ZEB1: variants seen among roughly 807,000 people sequenced by gnomAD.
ZEB1 encodes zinc finger E-box-binding homeobox 1.
In ZEB1, 21 loss-of-function variants were observed where a neutral mutation model predicts 84.9. That is an observed-to-expected ratio of 0.25 (90% CI 0.18 to 0.36). The LOEUF (loss-of-function observed/expected upper bound fraction) is 0.36. Among genes scored for constraint, ZEB1 ranks in the 10% least tolerant of loss-of-function variants. ZEB1 has a pLI of 1.00. For synonymous variants in ZEB1, 420 were observed against 471.1 expected (o/e 0.89, Z 1.41); for missense variants, 1,104 against 1,330.2 (o/e 0.83, Z 2.65).
intron 2 of ZEB1, among the ~76,000 whole-genome samples, chr10:31,474,476 G>C (rs2063770047): frequency 3.3e-5 from 5 of 152,144 alleles, no homozygotes; most frequent in Admixed American, 3.3e-4. Flanking sequence ...ATCATCACTG[G>C]CCATCAGAGA....
intron 4 of ZEB1, among the ~76,000 whole-genome samples, chr10:31,508,319 G>A (rs1211426485): frequency 1.3e-5 from 2 of 152,134 alleles, no homozygotes; most frequent in Non-Finnish European, 2.9e-5. Flanking sequence ...CTGGGCAGGT[G>A]GGCAGGTTCT....
intron 4 of ZEB1, among the ~76,000 whole-genome samples, chr10:31,506,431 A>G (rs2068993378): frequency 6.6e-6 from 1 of 152,046 alleles, no homozygotes; most frequent in East Asian, 1.9e-4. Context: ...TTTCCTTTAT[A>G]TAGCCAGGTA....
At chr10:31,466,278 C>T (rs1256237560) in intron 2 of ZEB1, among the ~76,000 whole-genome samples, 1 of 152,186 alleles carries the variant, frequency 6.6e-6, no homozygotes, top group Admixed American at 6.5e-5. Flanking sequence ...ACCTGATATA[C>T]AGAACATTCC....
At chr10:31,429,802 G>A (rs2057482372) in intron 1 of ZEB1, among the ~76,000 whole-genome samples, 1 of 133,996 alleles carries the variant, frequency 7.5e-6, no homozygotes. Flanking sequence ...GGAGTGCAAT[G>A]GCATAATCTC....
chr10:31,524,202 C>CA, intron 8 of ZEB1, 89 bp downstream of exon 8: 1 of 1,042,262 alleles, frequency 9.6e-7, no homozygotes, highest in Non-Finnish European at 1.3e-6. Flanking sequence ...AATTTTCTTT[C>CA]TTTTTTTTTT....
chr10:31,364,238 C>G (rs191105736), intron 1 of ZEB1, among the ~76,000 whole-genome samples: 127 of 152,260 alleles, frequency 8.3e-4, no homozygotes, highest in African/African-American at 2.8e-3. Flanking sequence ...CAAGAGGAGT[C>G]AAAGGGCAAA....
intron 4 of ZEB1, 150 bp downstream of exon 4, chr10:31,502,659 A>G (rs2068322580): frequency 2.3e-6 from 2 of 887,112 alleles, no homozygotes; most frequent in Non-Finnish European, 3.6e-6. Flanking sequence ...TGTTTTATTA[A>G]TGGAACACTA....
At chr10:31,499,940 G>A (rs2067874781) in intron 3 of ZEB1, among the ~76,000 whole-genome samples, 1 of 151,896 alleles carries the variant, frequency 6.6e-6, no homozygotes, top group African/African-American at 2.4e-5. Context: ...CAATGTATAG[G>A]AAAGCTAGAA....
chr10:31,520,902 G>A lies in ZEB1; in HGVS notation c.1570G>A (p.Glu524Lys), dbSNP rs1472522029. Residue 524 changes from glutamate (E) to lysine (K), a missense_variant, in exon 7 of 9, where the codon GAA becomes AAA. Coordinates refer to ENST00000424869, the MANE Select transcript of ZEB1 (RefSeq NM_001174096.2). The surrounding 1 kb of genome is among the most constrained non-coding windows in gnomAD (Gnocchi z 5.1). ...TAAGTCTGAGAAGGACAAAAGCTTTGAAGGGGGGGTGAATGATAGCACTTG... is the reference window on the plus strand; with the variant it reads ...TAAGTCTGAGAAGGACAAAAGCTTTAAAGGGGGGGTGAATGATAGCACTTG... ...TVKSEKDKSF[E>K]GGVNDSTCLL... 5 of 1,614,108 alleles carry A rather than the reference G, an allele frequency of 3.1e-6. No individual in the cohort carries two copies. The highest frequency in any genetic ancestry group is 4.2e-6 in the Non-Finnish European group (5 of 1,180,006).
At chr10:31,466,424 C>A (rs1168975266) in intron 2 of ZEB1, among the ~76,000 whole-genome samples, 1 of 152,092 alleles carries the variant, frequency 6.6e-6, no homozygotes, top group Non-Finnish European at 1.5e-5. Flanking sequence ...TTTCTGTCAA[C>A]AGTGGCATGA....
chr10:31,323,963 T>TTGTGTGTGTGTGTGTGTGTG (rs1564458960), intron 1 of ZEB1, among the ~76,000 whole-genome samples: 3 of 111,738 alleles, frequency 2.7e-5, no homozygotes, highest in African/African-American at 9.9e-5. Flanking sequence ...TCATGGTTCT[T>TTGTGTGTGTGTGTGTGTGTG]CGTGTGTGTG....
At chr10:31,488,903 T>C (rs2066111715) in intron 2 of ZEB1, among the ~76,000 whole-genome samples, 1 of 151,336 alleles carries the variant, frequency 6.6e-6, no homozygotes, top group Non-Finnish European at 1.5e-5. Flanking sequence ...TGTGTCTACA[T>C]GAATATTTTG....
intron 2 of ZEB1, among the ~76,000 whole-genome samples, chr10:31,488,780 T>G (rs900581609): frequency 1.5e-4 from 22 of 151,208 alleles, no homozygotes; most frequent in Admixed American, 1.3e-3. Flanking sequence ...TTCCAGTGTT[T>G]TGGAGATTTT....
intron 1 of ZEB1, among the ~76,000 whole-genome samples, chr10:31,336,374 A>T (rs903497130): frequency 6.6e-6 from 1 of 152,150 alleles, no homozygotes; most frequent in Non-Finnish European, 1.5e-5. Context: ...GCTGCCTCAC[A>T]CTATTTAGAG....
chr10:31,453,304 G>T (rs1057029197), intron 1 of ZEB1, among the ~76,000 whole-genome samples: 1 of 152,146 alleles, frequency 6.6e-6, no homozygotes, highest in African/African-American at 2.4e-5. Context: ...AGCCCTCAAA[G>T]TTAATCTTTT....
At chr10:31,438,155 G>T (rs1374225710) in intron 1 of ZEB1, among the ~76,000 whole-genome samples, 1 of 152,182 alleles carries the variant, frequency 6.6e-6, no homozygotes, top group Non-Finnish European at 1.5e-5. Flanking sequence ...CTCCCTCCTG[G>T]CGTCTGTGCA....
intron 1 of ZEB1, among the ~76,000 whole-genome samples, chr10:31,444,968 T>C (rs1287922670): frequency 1.3e-5 from 2 of 152,010 alleles, no homozygotes; most frequent in African/African-American, 2.4e-5. Context: ...ATTGGTAGCT[T>C]GATGGGGATG....
intron 3 of ZEB1, among the ~76,000 whole-genome samples, chr10:31,501,916 T>C (rs564390250): frequency 6.6e-6 from 1 of 152,314 alleles, no homozygotes; most frequent in East Asian, 1.9e-4. Flanking sequence ...CCATGGAAAA[T>C]GAAGCCACAG....
intron 1 of ZEB1, among the ~76,000 whole-genome samples, chr10:31,447,722 T>C (rs1172566735): frequency 6.6e-6 from 1 of 152,024 alleles, no homozygotes; most frequent in African/African-American, 2.4e-5. Context: ...TTCTTTTCTT[T>C]AAGAATGTTG....
Sources: gnomAD v4.1 joint callset for allele counts (sites outside exome capture counted in the v4.1 genomes callset) on GRCh38, gnomAD v4.1.1 for gene constraint, Gnocchi (gnomAD v3.1) non-coding constraint, MANE v1.5 for transcripts, NCBI Gene and HGNC (gene_info 2026-07-23, HGNC 2026-07-21) for gene names.